The following TBC1D19 variants were observed in gnomAD, a reference collection of about 807,000 sequenced individuals.
The protein encoded by TBC1D19 is TBC1 domain family, member 19.
A neutral mutation model predicts 89.0 loss-of-function variants in TBC1D19; 60 were observed. The ratio of observed to expected loss-of-function variants is 0.67; its 90% confidence interval spans 0.55 to 0.84. The LOEUF is 0.84. Among genes scored for constraint, TBC1D19 ranks in the 40% least tolerant of loss-of-function variants. The pLI, the probability that TBC1D19 is intolerant of heterozygous loss-of-function variation, is 0.00. For missense variants in TBC1D19, 500 were observed against 610.8 expected (o/e 0.82, Z 1.91); for synonymous variants, 189 against 199.7 (o/e 0.95, Z 0.45).
At chr4:26,737,007 T>C (rs6448469) in intron 16 of TBC1D19, among the ~76,000 whole-genome samples, 151,729 of 152,354 alleles carry the variant, frequency 1, 75,555 homozygotes, top group Middle Eastern at 1. Flanking sequence ...TTTATTTCTA[T>C]CCCCTACCTT....
chr4:26,638,735 A>G (rs754261109), intron 5 of TBC1D19, 36 bp from the exon 6 acceptor site: 1 of 1,550,036 alleles, frequency 6.5e-7, no homozygotes. Context: ...ACTTCAAAAA[A>G]TGAAATGAAA....
the TBC1D19 span, among the ~76,000 whole-genome samples, chr4:26,802,051 T>C: frequency 6.6e-6 from 1 of 152,148 alleles, no homozygotes; most frequent in Non-Finnish European, 1.5e-5. Flanking sequence ...ATGATTAAAA[T>C]ATATACACCT....
the TBC1D19 span, among the ~76,000 whole-genome samples, chr4:26,788,332 T>C: frequency 6.6e-6 from 1 of 152,292 alleles, no homozygotes; most frequent in Admixed American, 6.5e-5. Context: ...GCATTAGAGC[T>C]GAAAAGTGCC....
At chr4:26,850,891 T>C in the TBC1D19 span, among the ~76,000 whole-genome samples, 2 of 152,154 alleles carry the variant, frequency 1.3e-5, no homozygotes, top group Non-Finnish European at 2.9e-5. Context: ...GAGAGGGTGT[T>C]TCTGGAGGAG....
the TBC1D19 span, among the ~76,000 whole-genome samples, chr4:26,854,247 TAAATA>T: frequency 3.3e-5 from 5 of 152,220 alleles, no homozygotes; most frequent in Non-Finnish European, 7.3e-5. Context: ...AAAGCATAAA[TAAATA>T]AAAGAAATAC....
intron 1 of TBC1D19, among the ~76,000 whole-genome samples, chr4:26,594,053 C>T (rs558648183): frequency 2.0e-4 from 30 of 152,150 alleles, no homozygotes; most frequent in East Asian, 1.7e-3. Flanking sequence ...ATGTTTATCG[C>T]GGCACTATTC....
upstream of TBC1D19, among the ~76,000 whole-genome samples, chr4:26,579,923 G>A (rs1739035772): frequency 6.6e-6 from 1 of 152,096 alleles, no homozygotes; most frequent in Admixed American, 6.5e-5. Flanking sequence ...CGCTAAGCAT[G>A]GTAGAATGGA....
At chr4:26,635,116 C>A (rs1282936028) in intron 4 of TBC1D19, among the ~76,000 whole-genome samples, 1 of 151,786 alleles carries the variant, frequency 6.6e-6, no homozygotes, top group Non-Finnish European at 1.5e-5. Flanking sequence ...AAATAAAAAT[C>A]CAGGGATTGG....
At chr4:26,696,106 G>C (rs1024496646) in intron 13 of TBC1D19, among the ~76,000 whole-genome samples, 18 of 152,312 alleles carry the variant, frequency 1.2e-4, no homozygotes, top group East Asian at 5.8e-4. Flanking sequence ...GCTGTATTCA[G>C]GAGACCCATC....
the TBC1D19 span, among the ~76,000 whole-genome samples, chr4:26,767,291 A>G: frequency 6.6e-6 from 1 of 152,210 alleles, no homozygotes; most frequent in African/African-American, 2.4e-5. Context: ...AACAACCTGA[A>G]TAACTCCATT....
the TBC1D19 span, among the ~76,000 whole-genome samples, chr4:26,832,973 G>A: frequency 6.6e-6 from 1 of 152,130 alleles, no homozygotes; most frequent in Non-Finnish European, 1.5e-5. Flanking sequence ...TGGCCTGGAT[G>A]AGAGAGCAAG....
At chr4:26,703,603 G>T (rs1715498476) in intron 13 of TBC1D19, among the ~76,000 whole-genome samples, 1 of 152,114 alleles carries the variant, frequency 6.6e-6, no homozygotes, top group Admixed American at 6.5e-5. Context: ...ATGTCATGTG[G>T]CATTGCTGTG....
intron 1 of TBC1D19, among the ~76,000 whole-genome samples, chr4:26,597,523 C>CT (rs1223042517): frequency 0.03 from 3,445 of 115,032 alleles, 112 homozygotes; most frequent in African/African-American, 0.061. Context: ...CAGCTAGAGT[C>CT]TTTTTTTTTT....
At chr4:26,794,651 TG>T in the TBC1D19 span, among the ~76,000 whole-genome samples, 1 of 152,162 alleles carries the variant, frequency 6.6e-6, no homozygotes, top group Admixed American at 6.5e-5. Flanking sequence ...AAACTAACAT[TG>T]AAACAGACAG....
chr4:26,823,630 G>C, the TBC1D19 span, among the ~76,000 whole-genome samples: 6 of 152,152 alleles, frequency 3.9e-5, no homozygotes, highest in Admixed American at 2.0e-4. Flanking sequence ...GAGATGATAA[G>C]AGCCATATCC....
At chr4:26,823,956 G>T in the TBC1D19 span, among the ~76,000 whole-genome samples, 1 of 152,154 alleles carries the variant, frequency 6.6e-6, no homozygotes, top group South Asian at 2.1e-4. Context: ...CTGCCTGACC[G>T]CTGGCTCCAG....
At chr4:26,840,908 TC>T in the TBC1D19 span, among the ~76,000 whole-genome samples, 4 of 152,182 alleles carry the variant, frequency 2.6e-5, no homozygotes, top group Non-Finnish European at 2.9e-5. Flanking sequence ...GGCCACCTGT[TC>T]CTTCAACCTT....
chr4:26,686,980 G>T (rs1713869638), intron 12 of TBC1D19, among the ~76,000 whole-genome samples: 1 of 152,062 alleles, frequency 6.6e-6, no homozygotes, highest in Non-Finnish European at 1.5e-5. Context: ...CAGTGAGATT[G>T]TAGACTGCTC....
At chr4:26,789,400 A>T in the TBC1D19 span, among the ~76,000 whole-genome samples, 2 of 152,234 alleles carry the variant, frequency 1.3e-5, no homozygotes, top group Non-Finnish European at 2.9e-5. Context: ...TGGGCAAAGG[A>T]CATGAACAGA....
Sources: allele counts gnomAD v4.1 joint callset (sites outside exome capture counted in the v4.1 genomes callset), GRCh38; gene constraint gnomAD v4.1.1; transcripts MANE v1.5; gene names NCBI Gene and HGNC (gene_info 2026-07-23, HGNC 2026-07-21).